Variants in HPGD observed in about 807,000 individuals in gnomAD.
The protein encoded by HPGD is 15-hydroxyprostaglandin dehydrogenase [NAD(+)].
HPGD carries 29 observed loss-of-function variants against 30.0 expected under a neutral mutation model. The observed-to-expected ratio is 0.97, with a 90% CI of 0.72 to 1.32. The LOEUF is 1.32. Among genes scored for constraint, HPGD ranks in the 40% most tolerant of loss-of-function variants. The pLI is 0.00. For synonymous variants in HPGD, 99 were observed against 112.4 expected (o/e 0.88, Z 0.75); for missense variants, 340 against 322.1 (o/e 1.06, Z -0.43).
At chr4:174,511,642 T>A (rs1433845223) in intron 3 of HPGD, among the ~76,000 whole-genome samples, 3 of 152,206 alleles carry the variant, frequency 2.0e-5, no homozygotes, top group African/African-American at 7.2e-5. Flanking sequence ...AACATTTCTT[T>A]TTTTTAATTT....
intron 4 of HPGD, among the ~76,000 whole-genome samples, chr4:174,497,645 T>TCTGTTCA (rs1734691697): frequency 7.4e-6 from 1 of 135,260 alleles, no homozygotes; most frequent in Admixed American, 7.9e-5. Flanking sequence ...TGGCCTGATC[T>TCTGTTCA]CTGTTCACTT....
rs570066300 is a variant in HPGD, at chr4:174,494,566, C to T, written c.498+982G>A. Among the ~76,000 whole-genome samples, 1 of 152,248 alleles carries T rather than the reference C, an allele frequency of 6.6e-6. No individual in the cohort carries two copies. The highest frequency in any genetic ancestry group is 1.5e-5 in the Non-Finnish European group (1 of 68,008). ...GTCTTTGCAAATTAAGCAATAATTT[C>T]CAATCAATTTAAGAGTGTGAGAACT... On this transcript the variant is annotated intron_variant, in intron 5 of 6. Transcript: ENST00000296522. This position sits in a 1 kb window ranked among gnomAD's most constrained non-coding sequence, Gnocchi z 4.9.
At chr4:174,506,730 TA>T (rs1377946065) in intron 4 of HPGD, 3 of 152,250 alleles carry the variant, frequency 2.0e-5, no homozygotes, top group African/African-American at 7.2e-5. Flanking sequence ...TTTAAACAGA[TA>T]AAAGGCAGTA....
intron 3 of HPGD, among the ~76,000 whole-genome samples, chr4:174,510,494 G>T (rs902832523): frequency 2.6e-5 from 4 of 152,204 alleles, no homozygotes; most frequent in Non-Finnish European, 5.9e-5. Flanking sequence ...AGGTATTACA[G>T]CTTTGCTGAC....
At chr4:174,495,374 T>C (rs1422701441) in intron 5 of HPGD, 174 bp downstream of exon 5, 1 of 624,192 alleles carries the variant, frequency 1.6e-6, no homozygotes, top group Non-Finnish European at 2.9e-6. Context: ...AAAAATGATC[T>C]ATTATTTATT....
At position 174,494,269 on chromosome 4, in the gene HPGD, A is replaced by G. The variant is rs762180493; in HGVS notation, c.499-955T>C. Among the ~76,000 whole-genome samples, 80 of 152,176 alleles carry G rather than the reference A, an allele frequency of 5.3e-4. 1 individual carries two copies. The highest frequency in any genetic ancestry group is 1.8e-4 in the Non-Finnish European group (12 of 68,030). ...GGTTCTTTAAACAGGAATACACATA[A>G]AATAAGGTTATGTATTGACTGGTTG... On this transcript the variant is annotated intron_variant, in intron 5 of 6. Coordinates refer to ENST00000296522, the MANE Select transcript of HPGD (RefSeq NM_000860.6). The surrounding 1 kb of genome is among the most constrained non-coding windows in gnomAD (Gnocchi z 4.9).
chr4:174,508,196 T>A (rs1735280287), intron 4 of HPGD: 1 of 686,116 alleles, frequency 1.5e-6, no homozygotes, highest in Admixed American at 2.1e-5. Context: ...GCAACAAGGA[T>A]CTTGCCTCAG....
Position 174,491,708 on chromosome 4 carries a change from T to C in HPGD, c.*248A>G, listed in dbSNP as rs886059251. Reference sequence around the variant, plus strand: ...CAGAATATTGAATATTCCTTGAAAATCATTTGTTTTGATCATTTTTTAGAC... The same window carrying C: ...CAGAATATTGAATATTCCTTGAAAACCATTTGTTTTGATCATTTTTTAGAC... On this transcript the variant is annotated 3_prime_UTR_variant, in exon 7 of 7. Transcript: ENST00000296522. The C allele has an allele frequency of 7.5e-5, 33 of 439,286 alleles. 1 individual carries two copies. The highest frequency in any genetic ancestry group is 2.2e-4 in the South Asian group (8 of 35,580). 27.2% of individuals were successfully genotyped at this position (439,286 alleles called of 1,614,324 possible).
chr4:174,517,899 G>T (rs1427318181), intron 3 of HPGD, 72 bp downstream of exon 3: 2 of 822,386 alleles, frequency 2.4e-6, no homozygotes, highest in Non-Finnish European at 4.1e-6. Context: ...ATGACTCCAA[G>T]AACCTTTTTT....
chr4:174,504,019 T>C (rs1003323569), intron 4 of HPGD, among the ~76,000 whole-genome samples: 4 of 152,180 alleles, frequency 2.6e-5, no homozygotes, highest in African/African-American at 9.7e-5. Flanking sequence ...CCATGACACC[T>C]GGCCAATGCT....
intron 2 of HPGD, among the ~76,000 whole-genome samples, chr4:174,518,965 T>G (rs1735936239): frequency 6.6e-6 from 1 of 152,166 alleles, no homozygotes; most frequent in African/African-American, 2.4e-5. Flanking sequence ...TATTCTCAGG[T>G]GTCCAGACCA....
intron 4 of HPGD, among the ~76,000 whole-genome samples, chr4:174,497,568 CTTTT>C (rs778825547): frequency 0.35 from 17,974 of 51,578 alleles, 2,322 homozygotes; most frequent in East Asian, 0.55. Context: ...CTTTTTCTTT[CTTTT>C]TTTTTTTTTT....
intron 2 of HPGD, among the ~76,000 whole-genome samples, chr4:174,521,593 G>A (rs1736125947): frequency 6.6e-6 from 1 of 152,214 alleles, no homozygotes; most frequent in Non-Finnish European, 1.5e-5. Context: ...TTTGTCAACA[G>A]TACCTTACTT....
chr4:174,506,942 T>C (rs1005767227), intron 4 of HPGD: 2 of 152,226 alleles, frequency 1.3e-5, no homozygotes, highest in African/African-American at 4.8e-5. Flanking sequence ...TTGCTGACCC[T>C]CTTAGCTTTA....
Position 174,491,634 on chromosome 4 carries a change from AG to A in HPGD, c.*321del. 4.0e-6 allele frequency: 1 copy of A among 252,898 alleles called. No homozygotes were observed. Among genetic ancestry groups the A allele is most frequent in the South Asian group, 6.2e-5 (1 of 16,174 alleles). The allele number at this position is 252,898 out of a possible 1,614,324, so 15.7% of individuals were successfully genotyped here. On this transcript the variant is annotated 3_prime_UTR_variant, in exon 7 of 7. Coordinates refer to ENST00000296522, the MANE Select transcript of HPGD (RefSeq NM_000860.6). The stretch of plus-strand genomic sequence containing the variant: ...TATCTCCTTTAAAATGATGTTCTGA[AG>A]AACATTAATATTTATGAAGCACAGA...
chr4:174,507,937 CCAGA>C (rs1255519448), intron 4 of HPGD: 4 of 540,926 alleles, frequency 7.4e-6, no homozygotes, highest in Non-Finnish European at 1.3e-5. Context: ...ACTGCATTTC[CCAGA>C]CAGACTCGCT....
At position 174,522,041 on chromosome 4, in the gene HPGD, T is replaced by G; in HGVS notation, c.120A>C (p.Glu40Asp). 1 of 1,613,920 alleles carries G rather than the reference T, an allele frequency of 6.2e-7. No individual in the cohort carries two copies. Residue 40 changes from glutamate (E) to aspartate (D), a missense_variant, in exon 2 of 7, where the codon GAA (glutamate) becomes GAC (aspartate). Glu to Asp is a conservative substitution (Grantham distance 45). Coordinates refer to ENST00000296522, the MANE Select transcript of HPGD (RefSeq NM_000860.6). The stretch of plus-strand genomic sequence containing the variant: ...GGGCAGCTTTACACTGTACACCTGC[T>G]TCAAGATTCCAATCCACCAGCGCTA... ...AKVALVDWNL[E>D]AGVQCKAALD...
chr4:174,508,272 C>T (rs2110831287), intron 4 of HPGD: 1 of 625,646 alleles, frequency 1.6e-6, no homozygotes, highest in South Asian at 1.9e-5. Context: ...ATTAGTTTAA[C>T]ATATCTTAAC....
At chr4:174,504,306 T>C (rs1345136478) in intron 4 of HPGD, among the ~76,000 whole-genome samples, 1 of 152,196 alleles carries the variant, frequency 6.6e-6, no homozygotes, top group East Asian at 1.9e-4. Context: ...ACTTAAGACA[T>C]GCTGAAAATT....
Sources: gnomAD v4.1 joint callset for allele counts (sites outside exome capture counted in the v4.1 genomes callset) on GRCh38, gnomAD v4.1.1 for gene constraint, Gnocchi (gnomAD v3.1) non-coding constraint, MANE v1.5 for transcripts, NCBI Gene and HGNC (gene_info 2026-07-23, HGNC 2026-07-21) for gene names.